Variants in DCPS observed in about 807,000 individuals in gnomAD.
DCPS encodes decapping enzyme, scavenger.
In DCPS, 27 loss-of-function variants were observed where a neutral mutation model predicts 34.7. The ratio of observed to expected loss-of-function variants is 0.78; its 90% CI spans 0.57 to 1.07. The LOEUF is 1.07. Among genes scored for constraint, DCPS ranks in the 50% least tolerant of loss-of-function variants. The probability of loss-of-function intolerance (pLI) is 0.00; values close to 1 mark genes in which losing one functional copy is unlikely to be tolerated. For synonymous variants in DCPS, 185 were observed against 185.7 expected (o/e 1.00, Z 0.03); for missense variants, 464 against 436.9 (o/e 1.06, Z -0.55).
chr11:126,329,118 A>C lies in DCPS; in HGVS notation c.377-2287A>C, dbSNP rs776468623. The stretch of plus-strand genomic sequence containing the variant: ...AGGTGGTGCCGTTCAGTCTACTTCA[A>C]GCAGTCTCCCGCCTCTTGAGATCTT... On this transcript the variant is annotated intron_variant, in intron 2 of 5. Transcript: ENST00000263579. The surrounding 1 kb of genome is among the most constrained non-coding windows in gnomAD (Gnocchi z 5.0). Among the ~76,000 whole-genome samples the C allele has an allele frequency of 1.3e-4, 20 of 152,172 alleles. No homozygotes were observed. Among genetic ancestry groups the C allele is most frequent in the Admixed American group, 3.9e-4 (6 of 15,282 alleles).
intron 2 of DCPS, among the ~76,000 whole-genome samples, chr11:126,317,238 CG>C (rs1591383482): frequency 6.6e-6 from 1 of 151,402 alleles, no homozygotes; most frequent in East Asian, 1.9e-4. Context: ...GGATTACAGG[CG>C]TGAGCCACTG....
Position 126,323,944 on chromosome 11 carries a change from C to T in DCPS, c.377-7461C>T, listed in dbSNP as rs1245207017. ...CTCCCAGGTTCAAGCGATTCTTCCG[C>T]CTCAGCCTCCCGAGTATCTGGGATT... On this transcript the variant is annotated intron_variant, in intron 2 of 5. Transcript: ENST00000263579. The surrounding 1 kb of genome is among the most constrained non-coding windows in gnomAD (Gnocchi z 4.4). Among the ~76,000 whole-genome samples the T allele has an allele frequency of 6.6e-6, 1 of 152,158 alleles. No individual in the cohort carries two copies. The highest frequency in any genetic ancestry group is 2.4e-5 in the African/African-American group (1 of 41,420).
chr11:126,342,042 A>G lies in DCPS; in HGVS notation c.637-1265A>G, dbSNP rs1360596324. 2 of 152,212 alleles carry G rather than the reference A, an allele frequency of 1.3e-5. No homozygotes were observed. Among genetic ancestry groups the G allele is most frequent in the African/African-American group, 2.4e-5 (1 of 41,448 alleles). The allele number at this position is 152,212 out of a possible 1,614,324, so 9.4% of individuals were successfully genotyped here. On this transcript the variant is annotated intron_variant, in intron 4 of 5. Coordinates refer to ENST00000263579, the MANE Select transcript of DCPS (RefSeq NM_014026.6). The surrounding 1 kb of genome is among the most constrained non-coding windows in gnomAD (Gnocchi z 4.4). ...GTGGTTGGGTGAGTCATGGTCCTCA[A>G]ATTATCTTCACAAGGAATCTGGTAG... is the stretch of plus-strand genomic sequence containing the variant.
Position 126,345,412 on chromosome 11 carries a change from C to T in DCPS, c.813C>T (p.Pro271=). 1 of 1,614,216 alleles carries T rather than the reference C, an allele frequency of 6.2e-7. No homozygotes were observed. The highest frequency in any genetic ancestry group is 8.5e-7 in the Non-Finnish European group (1 of 1,180,040). ...TGCGAGTATACCTGCACTACCTGCCCTCCTACTACCACCTGCATGTGCACT... is the reference window on the plus strand; with the variant it reads ...TGCGAGTATACCTGCACTACCTGCCTTCCTACTACCACCTGCATGTGCACT... The part of the protein sequence containing the change: ...DHLRVYLHYL[P]SYYHLHVHFT... Residue 271 remains proline, a synonymous_variant, in exon 6 of 6, where the codon CCC becomes CCT. Coordinates refer to ENST00000263579, the MANE Select transcript of DCPS (RefSeq NM_014026.6). The surrounding 1 kb of genome is among the most constrained non-coding windows in gnomAD (Gnocchi z 7.4).
At chr11:126,308,107 C>A (rs1951588953) in intron 2 of DCPS, among the ~76,000 whole-genome samples, 1 of 152,204 alleles carries the variant, frequency 6.6e-6, no homozygotes, top group Admixed American at 6.5e-5. Flanking sequence ...TTTTTCATTG[C>A]AAGCATTTCT....
rs766660253 is a variant in DCPS at position 126,333,114 on chromosome 11, A to G, written c.522+1564A>G. ...TGTCTTGGCCTCCCAAAGTGCTAGG[A>G]TTACAGGTGTGAGCCACTGTGCCTG... On this transcript the variant is annotated intron_variant, in intron 3 of 5. Transcript: ENST00000263579. The surrounding 1 kb of genome is among the most constrained non-coding windows in gnomAD (Gnocchi z 5.7). Among the ~76,000 whole-genome samples the G allele has an allele frequency of 9.2e-5, 14 of 152,180 alleles. No individual in the cohort carries two copies. Among genetic ancestry groups the G allele is most frequent in the Non-Finnish European group, 1.8e-4 (12 of 68,030 alleles).
intron 4 of DCPS, chr11:126,341,065 T>C: frequency 6.6e-6 from 1 of 152,218 alleles, no homozygotes; most frequent in East Asian, 1.9e-4. Flanking sequence ...CTATATTGGG[T>C]ATATAAACAT....
At chr11:126,340,398 T>C (rs1951867168) in intron 4 of DCPS, among the ~76,000 whole-genome samples, 1 of 152,144 alleles carries the variant, frequency 6.6e-6, no homozygotes, top group Non-Finnish European at 1.5e-5. Context: ...CTCAGCTCAC[T>C]GCAACCTCCA....
At position 126,338,901 on chromosome 11, in the gene DCPS, C is replaced by T. The variant is rs1388107045; in HGVS notation, c.636+502C>T. Among the ~76,000 whole-genome samples, 1 of 152,208 alleles carries T rather than the reference C, an allele frequency of 6.6e-6. No homozygotes were observed. The highest frequency in any genetic ancestry group is 2.4e-5 in the African/African-American group (1 of 41,444). On this transcript the variant is annotated intron_variant, in intron 4 of 5. Transcript: ENST00000263579. The surrounding 1 kb of genome is among the most constrained non-coding windows in gnomAD (Gnocchi z 5.4). The stretch of plus-strand genomic sequence containing the variant: ...GACTTCTACTCAGGCCCCTTGGCCC[C>T]GTGCCCTGCCTCCAAGCACCTCTGC...
chr11:126,330,938 G>A (rs866020521), intron 2 of DCPS, among the ~76,000 whole-genome samples: 9 of 151,430 alleles, frequency 5.9e-5, no homozygotes, highest in East Asian at 3.9e-4. Flanking sequence ...GTTTCTCCAC[G>A]TTGGTCAGGC....
rs910774673 is a variant in DCPS at position 126,342,658 on chromosome 11, T to G, written c.637-649T>G. ...TTTCCTTCCTCCTGCACTGGGATTA[T>G]TTTGTGTCTTACAGTAGAGCTACTT... On this transcript the variant is annotated intron_variant, in intron 4 of 5. Coordinates refer to ENST00000263579, the MANE Select transcript of DCPS (RefSeq NM_014026.6). The surrounding 1 kb of genome is among the most constrained non-coding windows in gnomAD (Gnocchi z 4.4). Among the ~76,000 whole-genome samples the G allele has an allele frequency of 2.0e-5, 3 of 152,166 alleles. No homozygotes were observed. The highest frequency in any genetic ancestry group is 4.4e-5 in the Non-Finnish European group (3 of 68,038).
chr11:126,315,948 A>G lies in DCPS; in HGVS notation c.376+9204A>G, dbSNP rs60114854. Among the ~76,000 whole-genome samples the G allele has an allele frequency of 2.3e-3, 346 of 152,136 alleles. 4 individuals are homozygous for G. The highest frequency in any genetic ancestry group is 8.0e-3 in the African/African-American group (332 of 41,438). On this transcript the variant is annotated intron_variant, in intron 2 of 5. Coordinates refer to ENST00000263579, the MANE Select transcript of DCPS (RefSeq NM_014026.6). This position sits in a 1 kb window ranked among gnomAD's most constrained non-coding sequence, Gnocchi z 6.1. ...AGGCTATCTCAAACTCCTGACCTCA[A>G]GTGATCTGCCCACCTCACCCTTTCA... is the stretch of plus-strand genomic sequence containing the variant.
Position 126,345,713 on chromosome 11 carries a change from C to T in DCPS, c.*100C>T, listed in dbSNP as rs187393888. ...AATTTTCTAAAAATGTATTTTATACCGGCTTATTCCTAGTATTGAATAAAC... is the reference window on the plus strand; with the variant it reads ...AATTTTCTAAAAATGTATTTTATACTGGCTTATTCCTAGTATTGAATAAAC... On this transcript the variant is annotated 3_prime_UTR_variant, in exon 6 of 6. Transcript: ENST00000263579. This position sits in a 1 kb window ranked among gnomAD's most constrained non-coding sequence, Gnocchi z 7.4. The T allele has an allele frequency of 4.4e-4, 659 of 1,511,324 alleles. No individual in the cohort carries two copies. The African/African-American group carries it at 7.6e-3, about 17-fold the overall frequency. 93.6% of individuals were successfully genotyped at this position (1,511,324 alleles called of 1,614,324 possible). A position where few individuals can be genotyped will look rare whatever the true frequency, so the allele number is the denominator to read the frequency against.
rs745569588 is a variant in DCPS, at chr11:126,343,294, G to C, written c.637-13G>C. On this transcript the variant is annotated splice_polypyrimidine_tract_variant and intron_variant, in intron 4 of 5. Coordinates refer to ENST00000263579, the MANE Select transcript of DCPS (RefSeq NM_014026.6). Reference sequence around the variant, plus strand: ...TCCCTGCTGAGCCTGGTCTCCCCTTGCTCTCTACGCAGCTCGATGACTTGT... The same window carrying C: ...TCCCTGCTGAGCCTGGTCTCCCCTTCCTCTCTACGCAGCTCGATGACTTGT... 3 of 1,609,120 alleles carry C rather than the reference G, an allele frequency of 1.9e-6. No individual in the cohort carries two copies. The highest frequency in any genetic ancestry group is 2.5e-6 in the Non-Finnish European group (3 of 1,177,472).
In DCPS at chr11:126,313,640, C is replaced by T. The variant is rs1457992232; in HGVS notation, c.376+6896C>T. ...CAAGCAGAACTGAACAATATACTGC[C>T]TAGGGATGCATACATGTGTAATAAG... On this transcript the variant is annotated intron_variant, in intron 2 of 5. Coordinates refer to ENST00000263579, the MANE Select transcript of DCPS (RefSeq NM_014026.6). The surrounding 1 kb of genome is among the most constrained non-coding windows in gnomAD (Gnocchi z 4.9). 6.6e-6 allele frequency among the ~76,000 whole-genome samples: 1 copy of T among 151,980 alleles called. No homozygotes were observed. Among genetic ancestry groups the T allele is most frequent in the African/African-American group, 2.4e-5 (1 of 41,374 alleles).
At chr11:126,330,687 C>CCA (rs1951776771) in intron 2 of DCPS, among the ~76,000 whole-genome samples, 2 of 59,462 alleles carry the variant, frequency 3.4e-5, no homozygotes, top group East Asian at 5.5e-4. Flanking sequence ...GGGCTTTAAA[C>CCA]CATATATATA....
rs964725444 is a variant in DCPS, at chr11:126,325,794, G to T, written c.377-5611G>T. On this transcript the variant is annotated intron_variant, in intron 2 of 5. Coordinates refer to ENST00000263579, the MANE Select transcript of DCPS (RefSeq NM_014026.6). The surrounding 1 kb of genome is among the most constrained non-coding windows in gnomAD (Gnocchi z 4.3). ...ATTTTCCAGGGATAGATTTTTGAGG[G>T]TTTATGGTTATCCCAGGCTGTGTTT... is the stretch of plus-strand genomic sequence containing the variant. 1.3e-5 allele frequency among the ~76,000 whole-genome samples: 2 copies of T among 152,170 alleles called. No homozygotes were observed. The highest frequency in any genetic ancestry group is 4.8e-5 in the African/African-American group (2 of 41,448).
chr11:126,345,911 C>T lies in DCPS; in HGVS notation c.*298C>T, dbSNP rs1325461974. ...AAGGGTGCCGAGGGCCTTCTCCAAG[C>T]CCCAGGGCTCACCGTCCGTGGTGGC... is the stretch of plus-strand genomic sequence containing the variant. On this transcript the variant is annotated 3_prime_UTR_variant, in exon 6 of 6. Coordinates refer to ENST00000263579, the MANE Select transcript of DCPS (RefSeq NM_014026.6). The surrounding 1 kb of genome is among the most constrained non-coding windows in gnomAD (Gnocchi z 7.4). Among the ~76,000 whole-genome samples, 1 of 152,082 alleles carries T rather than the reference C, an allele frequency of 6.6e-6. No individual in the cohort carries two copies. Among genetic ancestry groups the T allele is most frequent in the African/African-American group, 2.4e-5 (1 of 41,388 alleles).
At position 126,325,930 on chromosome 11, in the gene DCPS, C is replaced by T. The variant is rs1951735798; in HGVS notation, c.377-5475C>T. 1.3e-5 allele frequency among the ~76,000 whole-genome samples: 2 copies of T among 151,974 alleles called. No homozygotes were observed. The highest frequency in any genetic ancestry group is 4.1e-4 in the South Asian group (2 of 4,822). ...ATCAGGAAATCGAGGCCATCCTGGC[C>T]AACTTGGTGAAACCCTGTCTCTACT... is the stretch of plus-strand genomic sequence containing the variant. On this transcript the variant is annotated intron_variant, in intron 2 of 5. Coordinates refer to ENST00000263579, the MANE Select transcript of DCPS (RefSeq NM_014026.6). This position sits in a 1 kb window ranked among gnomAD's most constrained non-coding sequence, Gnocchi z 4.3.
Sources: gnomAD v4.1 joint callset for allele counts (sites outside exome capture counted in the v4.1 genomes callset) on GRCh38, gnomAD v4.1.1 for gene constraint, Gnocchi (gnomAD v3.1) non-coding constraint, MANE v1.5 for transcripts, NCBI Gene and HGNC (gene_info 2026-07-23, HGNC 2026-07-21) for gene names.